The following RBFOX1 variants were observed in gnomAD, a reference collection of about 807,000 sequenced individuals.
RBFOX1 encodes RNA binding fox-1 homolog 1.
A neutral mutation model predicts 57.7 loss-of-function variants in RBFOX1; 8 were observed. That is an observed-to-expected ratio of 0.14 (90% CI 0.08 to 0.25). The LOEUF (loss-of-function observed/expected upper bound fraction) is 0.25. RBFOX1 is among the 10% of genes least tolerant of loss of function. RBFOX1 has a pLI of 1.00. For synonymous variants in RBFOX1, 326 were observed against 222.4 expected (o/e 1.47, Z -4.15); for missense variants, 611 against 548.5 (o/e 1.11, Z -1.14).
intron 1 of RBFOX1, among the ~76,000 whole-genome samples, chr16:5,359,904 G>T (rs1316401782): frequency 1.3e-5 from 2 of 149,696 alleles, no homozygotes; most frequent in African/African-American, 5.0e-5. Context: ...TATGGGACTT[G>T]CCAATTCTCA....
chr16:6,850,649 T>A (rs947724232), intron 3 of RBFOX1, among the ~76,000 whole-genome samples: 1 of 152,210 alleles, frequency 6.6e-6, no homozygotes, highest in Non-Finnish European at 1.5e-5. Flanking sequence ...TTTGCAATAT[T>A]TCTACCTTCT....
chr16:5,792,038 C>T (rs1446295745), intron 3 of RBFOX1, among the ~76,000 whole-genome samples: 3 of 152,112 alleles, frequency 2.0e-5, no homozygotes, highest in Non-Finnish European at 4.4e-5. Flanking sequence ...AGGCACCCTG[C>T]AGAAGTTGTG....
intron 1 of RBFOX1, among the ~76,000 whole-genome samples, chr16:6,083,191 T>C (rs773226130): frequency 6.6e-6 from 1 of 152,028 alleles, no homozygotes; most frequent in Non-Finnish European, 1.5e-5. Context: ...TTAGTGGAGA[T>C]GGGGTTTCAC....
intron 1 of RBFOX1, among the ~76,000 whole-genome samples, chr16:5,454,261 A>C (rs1286129619): frequency 6.6e-6 from 1 of 152,232 alleles, no homozygotes. Context: ...AGTGTCTATC[A>C]AGAGATATTC....
At chr16:7,195,678 G>A (rs983576348) in intron 4 of RBFOX1, among the ~76,000 whole-genome samples, 2 of 151,920 alleles carry the variant, frequency 1.3e-5, no homozygotes, top group Non-Finnish European at 1.5e-5. Context: ...TCAGCCTCCC[G>A]AGTAGCTGGA....
chr16:7,093,433 A>G (rs939992457), intron 4 of RBFOX1, among the ~76,000 whole-genome samples: 15 of 152,150 alleles, frequency 9.9e-5, no homozygotes, highest in Admixed American at 9.2e-4. Flanking sequence ...TGACACTCTG[A>G]CATAGTCACA....
At chr16:7,379,600 T>C (rs1192093411) in intron 4 of RBFOX1, among the ~76,000 whole-genome samples, 2 of 152,162 alleles carry the variant, frequency 1.3e-5, no homozygotes, top group South Asian at 2.1e-4. Context: ...AAACTCAAAA[T>C]TCAGGATATT....
chr16:5,254,538 C>A (rs1372028814), intron 1 of RBFOX1, among the ~76,000 whole-genome samples: 2 of 152,190 alleles, frequency 1.3e-5, no homozygotes, highest in Non-Finnish European at 2.9e-5. Flanking sequence ...GCCCCCCGAT[C>A]TTCAGCTTCA....
chr16:7,661,280 A>C (rs1035273948), intron 12 of RBFOX1, among the ~76,000 whole-genome samples: 1 of 152,140 alleles, frequency 6.6e-6, no homozygotes, highest in Non-Finnish European at 1.5e-5. Flanking sequence ...TAATCCCTTC[A>C]TGATGGGGTT....
intron 3 of RBFOX1, among the ~76,000 whole-genome samples, chr16:5,730,928 T>C (rs377186350): frequency 2.7e-5 from 4 of 148,426 alleles, no homozygotes; most frequent in Non-Finnish European, 6.1e-5. Context: ...CCATTGTCAC[T>C]GGTGTCACCA....
chr16:6,035,678 C>A (rs1348479001), intron 1 of RBFOX1, among the ~76,000 whole-genome samples: 1 of 152,152 alleles, frequency 6.6e-6, no homozygotes, highest in Admixed American at 6.5e-5. Context: ...ATAATCAATT[C>A]TTTTCCCCCC....
intron 3 of RBFOX1, among the ~76,000 whole-genome samples, chr16:6,744,879 A>C (rs1348193938): frequency 6.6e-6 from 1 of 152,074 alleles, no homozygotes; most frequent in Non-Finnish European, 1.5e-5. Context: ...AAAATGGAGG[A>C]AATCTTTGAA....
chr16:6,171,199 C>T (rs970255914), intron 1 of RBFOX1, among the ~76,000 whole-genome samples: 1 of 152,150 alleles, frequency 6.6e-6, no homozygotes, highest in African/African-American at 2.4e-5. Flanking sequence ...TCTATATATG[C>T]AGGTATAACA....
intron 3 of RBFOX1, among the ~76,000 whole-genome samples, chr16:6,765,244 G>A (rs528840836): frequency 6.6e-6 from 1 of 152,130 alleles, no homozygotes; most frequent in African/African-American, 2.4e-5. Flanking sequence ...GAACACACAG[G>A]CTCCTGCAGG....
At chr16:6,948,674 G>T (rs1197610499) in intron 3 of RBFOX1, among the ~76,000 whole-genome samples, 1 of 151,964 alleles carries the variant, frequency 6.6e-6, no homozygotes, top group South Asian at 2.1e-4. Flanking sequence ...GAGCCACCAC[G>T]CCTGGCGTTG....
At chr16:5,855,436 C>G (rs1209640876) in intron 3 of RBFOX1, among the ~76,000 whole-genome samples, 4 of 152,120 alleles carry the variant, frequency 2.6e-5, no homozygotes, top group Non-Finnish European at 5.9e-5. Context: ...TATTCTTTTG[C>G]CTGTGGATAT....
In RBFOX1 at chr16:6,739,625, C is replaced by A. The variant is rs755641172; in HGVS notation, c.-16+84975C>A. Among the ~76,000 whole-genome samples the A allele has an allele frequency of 1.3e-4, 20 of 152,058 alleles. No individual in the cohort carries two copies. The East Asian group carries it at 2.1e-3, about 16-fold the overall frequency. On this transcript the variant is annotated intron_variant, in intron 3 of 15. Coordinates refer to ENST00000550418, the MANE Select transcript of RBFOX1 (RefSeq NM_018723.4). ...GGTGGGGTGGCTCATGCCTGTAATC[C>A]CAGCACTTTGGGAGGCCGAGGTGGG... is the stretch of plus-strand genomic sequence containing the variant.
chr16:5,560,862 C>A (rs984621259), intron 2 of RBFOX1, among the ~76,000 whole-genome samples: 1 of 152,166 alleles, frequency 6.6e-6, no homozygotes, highest in African/African-American at 2.4e-5. Context: ...TGACACTCTG[C>A]CTCTGAAGGC....
chr16:5,704,789 T>C (rs1353710484), intron 3 of RBFOX1, among the ~76,000 whole-genome samples: 1 of 152,148 alleles, frequency 6.6e-6, no homozygotes, highest in Non-Finnish European at 1.5e-5. Flanking sequence ...GCAGCACATA[T>C]AATGACAGGG....
Sources: gnomAD v4.1 joint callset for allele counts (sites outside exome capture counted in the v4.1 genomes callset) on GRCh38, gnomAD v4.1.1 for gene constraint, MANE v1.5 for transcripts, NCBI Gene and HGNC (gene_info 2026-07-23, HGNC 2026-07-21) for gene names.